The following PRDM5 variants were observed in gnomAD, a reference collection of about 807,000 sequenced individuals.
PRDM5 encodes PR domain zinc finger protein 5.
Under a neutral mutation model 81.2 loss-of-function variants are expected in PRDM5, and 56 were observed. That is an observed-to-expected ratio of 0.69 (90% CI 0.56 to 0.86). PRDM5 has a LOEUF of 0.86. Ranked by LOEUF, PRDM5 falls within the 40% of genes least tolerant of loss-of-function variation. The pLI, the probability that PRDM5 is intolerant of heterozygous loss-of-function variation, is 0.00. For missense variants in PRDM5, 697 were observed against 770.1 expected, an observed-to-expected ratio of 0.91 and a Z score of 1.12; for synonymous variants, 267 against 256.4, an observed-to-expected ratio of 1.04 and a Z score of -0.39.
downstream of PRDM5, among the ~76,000 whole-genome samples, chr4:120,691,652 A>G (rs937647235): frequency 1.3e-5 from 2 of 152,102 alleles, no homozygotes; most frequent in African/African-American, 4.8e-5. Flanking sequence ...GATCCTTTTC[A>G]CATTGTTCTT....
intron 3 of PRDM5, among the ~76,000 whole-genome samples, chr4:120,822,599 G>C (rs933847457): frequency 1.3e-5 from 2 of 152,172 alleles, no homozygotes; most frequent in Non-Finnish European, 2.9e-5. Context: ...AAATTGCAAA[G>C]ACATGCATCA....
intron 14 of PRDM5, among the ~76,000 whole-genome samples, chr4:120,747,541 G>A (rs28566468): frequency 0.027 from 4,047 of 151,928 alleles, 69 homozygotes; most frequent in African/African-American, 0.039. Context: ...ATTCAAAAGC[G>A]TCTGATACCT....
rs1440124431 is a variant in PRDM5 at position 120,692,755 on chromosome 4, A to G, written c.*2356T>C. ...CCCAGCCAAAATCTTTCACAGCAGG[A>G]AACAGAAGACATTTCAAAGTAGGTA... On this transcript the variant is annotated 3_prime_UTR_variant, in exon 16 of 16. Transcript: ENST00000264808. 1 of 152,120 alleles carries G rather than the reference A, an allele frequency of 6.6e-6. No homozygotes were observed. The highest frequency in any genetic ancestry group is 1.5e-5 in the Non-Finnish European group (1 of 68,008). 9.4% of individuals were successfully genotyped at this position (152,120 alleles called of 1,614,324 possible).
At chr4:120,716,169 T>C (rs1447780515) in intron 14 of PRDM5, among the ~76,000 whole-genome samples, 1 of 152,214 alleles carries the variant, frequency 6.6e-6, no homozygotes, top group Non-Finnish European at 1.5e-5. Flanking sequence ...TTTCACATGT[T>C]TATACATGCT....
chr4:120,834,197 T>C (rs140168304), intron 3 of PRDM5, among the ~76,000 whole-genome samples: 1 of 152,286 alleles, frequency 6.6e-6, no homozygotes, highest in East Asian at 1.9e-4. Context: ...GTTCATTTGA[T>C]CAATGTGATG....
rs60786051 is a variant in PRDM5 at position 120,733,892 on chromosome 4, T to TAA, written c.1623+20659_1623+20660dup. ...CAGAAGAAAAACAATGACACAAAAG[T>TAA]AAAAAAAAAAAAAAACAAAAAAACT... On this transcript the variant is annotated intron_variant, in intron 14 of 15. Transcript: ENST00000264808. Among the ~76,000 whole-genome samples, 529 of 132,266 alleles carry TAA rather than the reference T, an allele frequency of 4.0e-3. 1 individual carries two copies. Among genetic ancestry groups the TAA allele is most frequent in the African/African-American group, 9.0e-3 (323 of 35,866 alleles). 86.8% of individuals were successfully genotyped at this position (132,266 alleles called of 152,430 possible).
exon 2 of PRDM5, chr4:120,684,954 C>T (rs1024690500): frequency 1.3e-5 from 2 of 151,818 alleles, no homozygotes. Flanking sequence ...CTGAAGTTAG[C>T]CATAATGCAT....
At chr4:120,795,297 C>A (rs565402555) in intron 10 of PRDM5, among the ~76,000 whole-genome samples, 1 of 152,214 alleles carries the variant, frequency 6.6e-6, no homozygotes, top group South Asian at 2.1e-4. Context: ...AGGAGGGAAG[C>A]ACTGTACAAC....
chr4:120,699,177 T>A (rs1462977827), intron 15 of PRDM5, among the ~76,000 whole-genome samples: 4 of 108,110 alleles, frequency 3.7e-5, no homozygotes, highest in African/African-American at 1.9e-4. Context: ...TATATATATA[T>A]ATATATATAT....
chr4:120,863,116 C>G (rs1408894681), intron 2 of PRDM5, among the ~76,000 whole-genome samples: 1 of 134,484 alleles, frequency 7.4e-6, no homozygotes, highest in Non-Finnish European at 1.5e-5. Context: ...CAAGATTGGG[C>G]TATTACACTC....
At chr4:120,686,041 C>G (rs1201518637) in intron 1 of PRDM5, among the ~76,000 whole-genome samples, 1 of 151,964 alleles carries the variant, frequency 6.6e-6, no homozygotes, top group Admixed American at 6.6e-5. Flanking sequence ...GTAGTATCTC[C>G]CCACCCACCC....
chr4:120,826,102 A>G (rs1311063829), intron 3 of PRDM5, among the ~76,000 whole-genome samples: 1 of 152,102 alleles, frequency 6.6e-6, no homozygotes, highest in Non-Finnish European at 1.5e-5. Flanking sequence ...AACATTTAGG[A>G]CCAGTCATAT....
intron 1 of PRDM5, among the ~76,000 whole-genome samples, chr4:120,914,390 G>T (rs1723863997): frequency 6.6e-6 from 1 of 152,106 alleles, no homozygotes; most frequent in South Asian, 2.1e-4. Context: ...ATAAAAATAT[G>T]ATATTTAGAG....
chr4:120,872,644 C>T (rs779065402), intron 2 of PRDM5, among the ~76,000 whole-genome samples: 1 of 152,130 alleles, frequency 6.6e-6, no homozygotes. Context: ...GTCCTAGCTA[C>T]TTGGGAGACT....
chr4:120,913,345 G>A (rs1766733792), intron 1 of PRDM5, among the ~76,000 whole-genome samples: 1 of 152,220 alleles, frequency 6.6e-6, no homozygotes, highest in African/African-American at 2.4e-5. Flanking sequence ...TTGAGCCACT[G>A]AACTAATGGC....
In PRDM5 at chr4:120,922,395, G is replaced by A. The variant is rs1725065641; in HGVS notation, c.93+121C>T. 4.4e-6 allele frequency: 5 copies of A among 1,144,398 alleles called. No homozygotes were observed. In the Admixed American group the frequency reaches 2.4e-4, roughly 56 times the overall value. The allele number at this position is 1,144,398 out of a possible 1,614,324, so 70.9% of individuals were successfully genotyped here. A position where few individuals can be genotyped will look rare whatever the true frequency, so the allele number is the denominator to read the frequency against. ...GGCCTTCCCACGGACGCCTGGCCCG[G>A]CCCGGGCGAGGGGCGACCGGGGTGA... On this transcript the variant is annotated intron_variant, in intron 1 of 15. Transcript: ENST00000264808.
In PRDM5 at chr4:120,777,188, C is replaced by T; in HGVS notation, c.1537G>A (p.Gly513Ser). The T allele has an allele frequency of 1.2e-6, 2 of 1,613,242 alleles. No individual in the cohort carries two copies. The highest frequency in any genetic ancestry group is 4.5e-5 in the East Asian group (2 of 44,836). The change falls in exon 13 of 16, where the codon GGT becomes AGT. Residue 513 changes from glycine (G) to serine (S), a missense_variant and splice_region_variant. Gly to Ser is a moderately conservative substitution (Grantham distance 56, BLOSUM62 0). Coordinates refer to ENST00000264808, the MANE Select transcript of PRDM5 (RefSeq NM_018699.4). ...ACTAGTCTAATTACAATCTCCATAC[C>T]TGTGTGGCTCCGGATATGAACTCTG... ...TLRVHIRSHT[G>S]ERPYQCPYCE...
intron 14 of PRDM5, among the ~76,000 whole-genome samples, chr4:120,740,493 T>G (rs1343456014): frequency 6.6e-6 from 1 of 152,216 alleles, no homozygotes; most frequent in Non-Finnish European, 1.5e-5. Context: ...CCTGTCTCTA[T>G]GTGGAAAATC....
intron 2 of PRDM5, among the ~76,000 whole-genome samples, chr4:120,863,409 G>A (rs894348782): frequency 6.6e-6 from 1 of 151,748 alleles, no homozygotes; most frequent in South Asian, 2.1e-4. Context: ...TGAGTCCTGC[G>A]AGTTCTTCTA....
Sources: allele counts gnomAD v4.1 joint callset (sites outside exome capture counted in the v4.1 genomes callset), GRCh38; gene constraint gnomAD v4.1.1; transcripts MANE v1.5; gene names NCBI Gene and HGNC (gene_info 2026-07-23, HGNC 2026-07-21).